The following CLASP1 variants were observed in gnomAD, a reference collection of about 807,000 sequenced individuals.
CLASP1 encodes CLIP-associating protein 1.
CLASP1 carries 38 observed loss-of-function variants against 192.3 expected under a neutral mutation model. The ratio of observed to expected loss-of-function variants is 0.20; its 90% CI spans 0.15 to 0.26. CLASP1 has a LOEUF of 0.26. CLASP1 is among the 10% of genes least tolerant of loss of function. The pLI is 1.00. For synonymous variants in CLASP1, 691 were observed against 712.8 expected (o/e 0.97, Z 0.49); for missense variants, 1,433 against 1,932.5 (o/e 0.74, Z 4.85).
At chr2:121,486,114 A>C (rs370459821) in intron 8 of CLASP1, among the ~76,000 whole-genome samples, 2 of 152,238 alleles carry the variant, frequency 1.3e-5, no homozygotes, top group East Asian at 3.9e-4. Flanking sequence ...ACACAAAGGC[A>C]GTAATGAACG....
At chr2:121,483,635 TTAATA>T (rs1185501745) in intron 8 of CLASP1, among the ~76,000 whole-genome samples, 1 of 151,772 alleles carries the variant, frequency 6.6e-6, no homozygotes, top group Non-Finnish European at 1.5e-5. Context: ...CCAATTAATA[TTAATA>T]TGTCTGTTTT....
At chr2:121,537,127 C>G (rs1003869449) in intron 2 of CLASP1, among the ~76,000 whole-genome samples, 1 of 152,120 alleles carries the variant, frequency 6.6e-6, no homozygotes, top group Non-Finnish European at 1.5e-5. Flanking sequence ...CACAGTGGCT[C>G]ACACCTGTAA....
intron 2 of CLASP1, among the ~76,000 whole-genome samples, chr2:121,539,398 C>T (rs978476090): frequency 5.3e-5 from 8 of 152,216 alleles, no homozygotes; most frequent in Middle Eastern, 3.4e-3. Flanking sequence ...AGTGACAATA[C>T]GGCTACTTTT....
intron 34 of CLASP1, among the ~76,000 whole-genome samples, chr2:121,371,404 ATT>A (rs879670440): frequency 6.9e-6 from 1 of 144,176 alleles, no homozygotes; most frequent in Non-Finnish European, 1.5e-5. Context: ...GATAAATTAA[ATT>A]TTTTTTTTTT....
chr2:121,482,825 G>C (rs2092694255), intron 8 of CLASP1, among the ~76,000 whole-genome samples: 1 of 152,114 alleles, frequency 6.6e-6, no homozygotes, highest in Non-Finnish European at 1.5e-5. Context: ...TGAAAACCTG[G>C]CTTCATGTGT....
Position 121,620,060 on chromosome 2 carries a change from A to G in CLASP1, c.-285-13880T>C, listed in dbSNP as rs565040186. Among the ~76,000 whole-genome samples, 4 of 151,984 alleles carry G rather than the reference A, an allele frequency of 2.6e-5. No individual in the cohort carries two copies. In the East Asian group the frequency reaches 7.8e-4, roughly 30 times the overall value. On this transcript the variant is annotated intron_variant, in intron 1 of 39. Transcript: ENST00000263710. ...AACATAGCGAAACCCCATCTCTACT[A>G]AAAATATGAAAAGTAGCCGGGAGTG...
intron 2 of CLASP1, among the ~76,000 whole-genome samples, chr2:121,539,783 C>T (rs78059203): frequency 6.6e-6 from 1 of 152,138 alleles, no homozygotes; most frequent in Non-Finnish European, 1.5e-5. Flanking sequence ...AACTGATAGG[C>T]AAGCCAGTAG....
chr2:121,345,975 GA>G (rs2063404721), intron 39 of CLASP1, among the ~76,000 whole-genome samples: 1 of 152,224 alleles, frequency 6.6e-6, no homozygotes, highest in Non-Finnish European at 1.5e-5. Context: ...CCAAGGTAGA[GA>G]AACTCTGCTC....
intron 6 of CLASP1, among the ~76,000 whole-genome samples, chr2:121,517,858 C>CTTTTTT (rs70954553): frequency 0.012 from 379 of 30,820 alleles, 45 homozygotes; most frequent in African/African-American, 0.025. Context: ...AAGACTCAAG[C>CTTTTTT]TTTTTTTTTT....
chr2:121,457,898 A>AG (rs1216848283), intron 13 of CLASP1, 141 bp from the exon 14 acceptor site: 2 of 596,070 alleles, frequency 3.4e-6, no homozygotes, highest in Non-Finnish European at 5.9e-6. Context: ...AAAGAAAAAA[A>AG]GAATTCACAG....
At chr2:121,439,426 T>A (rs1374150665) in intron 19 of CLASP1, among the ~76,000 whole-genome samples, 1 of 152,148 alleles carries the variant, frequency 6.6e-6, no homozygotes, top group Non-Finnish European at 1.5e-5. Flanking sequence ...TGTTAGGGTG[T>A]CAATTTTGGA....
chr2:121,398,379 T>C (rs1377652630), exon 29 of CLASP1: 1 of 1,594,318 alleles, frequency 6.3e-7, no homozygotes, highest in Non-Finnish European at 8.6e-7. Flanking sequence ...TGTTAAATTG[T>C]TGATCAAATG....
At chr2:121,561,636 A>G (rs1398383627) in intron 2 of CLASP1, among the ~76,000 whole-genome samples, 2 of 152,254 alleles carry the variant, frequency 1.3e-5, no homozygotes, top group African/African-American at 4.8e-5. Context: ...ATGTTTTAAC[A>G]AAGTTTGTGA....
At chr2:121,623,375 A>G (rs558701059) in intron 1 of CLASP1, among the ~76,000 whole-genome samples, 1 of 152,328 alleles carries the variant, frequency 6.6e-6, no homozygotes, top group African/African-American at 2.4e-5. Flanking sequence ...CATTCCTGGG[A>G]TAATTCCCAC....
intron 25 of CLASP1, among the ~76,000 whole-genome samples, chr2:121,406,594 T>A (rs2076945659): frequency 6.6e-6 from 1 of 152,104 alleles, no homozygotes; most frequent in Admixed American, 6.5e-5. Context: ...TTTTTTTATT[T>A]TTTTTATTTT....
chr2:121,602,002 C>T (rs972114937), intron 2 of CLASP1, among the ~76,000 whole-genome samples: 18 of 151,914 alleles, frequency 1.2e-4, no homozygotes, highest in Non-Finnish European at 2.1e-4. Flanking sequence ...TAGTAAATCC[C>T]CATCTCTACT....
chr2:121,474,669 G>C (rs374301363), intron 8 of CLASP1, among the ~76,000 whole-genome samples: 160 of 152,280 alleles, frequency 1.1e-3, no homozygotes, highest in African/African-American at 3.7e-3. Flanking sequence ...CCAAGAGGCA[G>C]AGGTTGCAGT....
intron 30 of CLASP1, among the ~76,000 whole-genome samples, chr2:121,393,519 G>C (rs1268817039): frequency 6.6e-6 from 1 of 152,166 alleles, no homozygotes; most frequent in East Asian, 1.9e-4. Context: ...TCTTAGAGTA[G>C]TGATAAATAC....
intron 1 of CLASP1, among the ~76,000 whole-genome samples, chr2:121,625,975 T>C (rs2068273669): frequency 6.6e-6 from 1 of 151,852 alleles, no homozygotes; most frequent in Non-Finnish European, 1.5e-5. Context: ...GGCACGCACC[T>C]GTAATCCCAG....
Sources: gnomAD v4.1 joint callset for allele counts (sites outside exome capture counted in the v4.1 genomes callset) on GRCh38, gnomAD v4.1.1 for gene constraint, MANE v1.5 for transcripts, NCBI Gene and HGNC (gene_info 2026-07-23, HGNC 2026-07-21) for gene names.